Variants in IL1RAPL2 observed in about 807,000 individuals in gnomAD.
The protein encoded by IL1RAPL2 is X-linked interleukin-1 receptor accessory protein-like 2.
A neutral mutation model predicts 44.1 loss-of-function variants in IL1RAPL2; 3 were observed. That is an observed-to-expected ratio of 0.07 (90% confidence interval 0.03 to 0.18). The LOEUF (loss-of-function observed/expected upper bound fraction) is 0.18, where lower values mean the gene tolerates loss of function less well. Ranked by LOEUF, IL1RAPL2 falls within the 10% of genes least tolerant of loss-of-function variation. The pLI, the probability that IL1RAPL2 is intolerant of heterozygous loss-of-function variation, is 1.00. For synonymous variants in IL1RAPL2, 181 were observed against 178.8 expected (o/e 1.01, Z -0.10); for missense variants, 391 against 496.4 (o/e 0.79, Z 2.02).
At chrX:105,209,984 G>A (rs1040737531) in intron 3 of IL1RAPL2, among the ~76,000 whole-genome samples, 1 of 110,062 alleles carries the variant, frequency 9.1e-6, no homozygotes, top group Non-Finnish European at 1.9e-5. Context: ...TACCCCAATC[G>A]TGTTTTTTAT....
chrX:105,217,546 T>C (rs1225334521), intron 3 of IL1RAPL2, among the ~76,000 whole-genome samples: 9 of 112,102 alleles, frequency 8.0e-5, no homozygotes, highest in African/African-American at 2.9e-4. Flanking sequence ...GTGTGGCGAT[T>C]CCTCAGGGAT....
intron 2 of IL1RAPL2, among the ~76,000 whole-genome samples, chrX:104,747,170 C>T (rs1932188653): frequency 9.0e-6 from 1 of 111,048 alleles, no homozygotes; most frequent in African/African-American, 3.3e-5. Context: ...CTCCATTCCT[C>T]ACTCCACCCA....
chrX:105,454,390 C>G (rs749555097), intron 5 of IL1RAPL2, among the ~76,000 whole-genome samples: 1 of 111,588 alleles, frequency 9.0e-6, no homozygotes, highest in Non-Finnish European at 1.9e-5. Flanking sequence ...CCCTGTATCT[C>G]CATATCCCTT....
At chrX:105,613,884 C>G (rs1304453756) in intron 6 of IL1RAPL2, among the ~76,000 whole-genome samples, 1 of 111,264 alleles carries the variant, frequency 9.0e-6, no homozygotes, top group Non-Finnish European at 1.9e-5. Flanking sequence ...AATGACACCT[C>G]TGGGCATGCA....
intron 6 of IL1RAPL2, among the ~76,000 whole-genome samples, chrX:105,550,157 G>T (rs905454207): frequency 8.9e-6 from 1 of 111,823 alleles, no homozygotes; most frequent in African/African-American, 3.3e-5. Flanking sequence ...AGAGGGAGAG[G>T]CAGGTGAATA....
chrX:105,275,600 A>G (rs1176772471), intron 5 of IL1RAPL2, among the ~76,000 whole-genome samples: 1 of 111,861 alleles, frequency 8.9e-6, no homozygotes, highest in African/African-American at 3.2e-5. Context: ...CTGAGTGCTT[A>G]TTTGATTGGT....
At chrX:104,580,733 A>C (rs1025115713) in intron 1 of IL1RAPL2, among the ~76,000 whole-genome samples, 1 of 112,434 alleles carries the variant, frequency 8.9e-6, no homozygotes, top group South Asian at 3.7e-4. Context: ...AGAAACTTCC[A>C]GGTTCTAATC....
intron 5 of IL1RAPL2, among the ~76,000 whole-genome samples, chrX:105,392,939 A>G (rs2035537348): frequency 8.9e-6 from 1 of 112,197 alleles, no homozygotes; most frequent in African/African-American, 3.2e-5. Flanking sequence ...TTTTGCATCC[A>G]TTTTAAAATT....
chrX:105,588,114 C>A (rs936577860), intron 6 of IL1RAPL2, among the ~76,000 whole-genome samples: 87 of 110,909 alleles, frequency 7.8e-4, no homozygotes, highest in Non-Finnish European at 1.5e-3. Flanking sequence ...TATTTTATAT[C>A]TTATTTATTA....
chrX:105,480,749 A>G (rs967352404), intron 5 of IL1RAPL2, among the ~76,000 whole-genome samples: 2 of 112,006 alleles, frequency 1.8e-5, no homozygotes, highest in Non-Finnish European at 3.8e-5. Context: ...AATAAAAATG[A>G]ACAAGAAATG....
intron 2 of IL1RAPL2, among the ~76,000 whole-genome samples, chrX:104,783,049 G>A (rs768938124): frequency 1.8e-4 from 20 of 111,976 alleles, no homozygotes; most frequent in African/African-American, 6.5e-4. Context: ...ACAGTTTGGT[G>A]CAAGTGCAAA....
At chrX:104,955,267 A>G (rs1925683689) in intron 2 of IL1RAPL2, among the ~76,000 whole-genome samples, 1 of 110,807 alleles carries the variant, frequency 9.0e-6, no homozygotes, top group Admixed American at 9.7e-5. Context: ...GCCAGCCTCT[A>G]TTCTTAGTAA....
chrX:105,105,828 AT>A (rs1467520799), intron 2 of IL1RAPL2, among the ~76,000 whole-genome samples: 1 of 112,185 alleles, frequency 8.9e-6, no homozygotes, highest in East Asian at 2.8e-4. Flanking sequence ...GCAGCCCCCA[AT>A]TCGATATTTC....
At chrX:105,662,466 G>T (rs2037727474) in intron 6 of IL1RAPL2, among the ~76,000 whole-genome samples, 1 of 111,771 alleles carries the variant, frequency 8.9e-6, no homozygotes, top group African/African-American at 3.3e-5. Context: ...AAGGAAAGAT[G>T]CCCAAAATAA....
At chrX:104,908,127 C>A (rs1434250384) in intron 2 of IL1RAPL2, among the ~76,000 whole-genome samples, 1 of 110,366 alleles carries the variant, frequency 9.1e-6, no homozygotes, top group African/African-American at 3.3e-5. Context: ...GATTGCAACC[C>A]CTGCCTTTTT....
chrX:105,283,661 G>A (rs1374399406), intron 5 of IL1RAPL2, among the ~76,000 whole-genome samples: 2 of 111,009 alleles, frequency 1.8e-5, no homozygotes, highest in Non-Finnish European at 3.8e-5. Context: ...CAAAAGTTCT[G>A]TTTTGGCCAT....
intron 3 of IL1RAPL2, chrX:105,219,065 GC>G (rs2033904180): frequency 8.3e-7 from 1 of 1,209,031 alleles, no homozygotes; most frequent in South Asian, 1.8e-5. Context: ...CAGTCCCCTG[GC>G]CTGCGATATA....
intron 2 of IL1RAPL2, among the ~76,000 whole-genome samples, chrX:104,673,644 G>T (rs1930670528): frequency 9.0e-6 from 1 of 111,282 alleles, no homozygotes; most frequent in African/African-American, 3.3e-5. Context: ...GAAAGGCTTT[G>T]GTAGCTTGAT....
At chrX:105,598,015 T>C (rs1392809916) in intron 6 of IL1RAPL2, among the ~76,000 whole-genome samples, 6 of 111,336 alleles carry the variant, frequency 5.4e-5, no homozygotes, top group Non-Finnish European at 9.4e-5. Context: ...CCCATGTTCA[T>C]TGAAACATTA....
Sources: gnomAD v4.1 joint callset for allele counts (sites outside exome capture counted in the v4.1 genomes callset) on GRCh38, gnomAD v4.1.1 for gene constraint, MANE v1.5 for transcripts, NCBI Gene and HGNC (gene_info 2026-07-23, HGNC 2026-07-21) for gene names.